Variants in SLC14A2 observed in about 807,000 individuals in gnomAD.
SLC14A2 encodes urea transporter 2.
In SLC14A2, 91 loss-of-function variants were observed where a neutral mutation model predicts 104.6. The observed-to-expected ratio is 0.87, with a 90% CI of 0.73 to 1.04. The LOEUF is 1.04. Ranked by LOEUF, SLC14A2 falls within the 50% of genes least tolerant of loss-of-function variation. SLC14A2 has a pLI of 0.00. For synonymous variants in SLC14A2, 476 were observed against 466.4 expected, an observed-to-expected ratio of 1.02 and a Z score of -0.27; for missense variants, 1,189 against 1,156.0, an observed-to-expected ratio of 1.03 and a Z score of -0.41.
In SLC14A2 at chr18:45,682,589, G is replaced by C. The variant is rs2046327654; in HGVS notation, c.*70G>C. 7.7e-7 allele frequency: 1 copy of C among 1,293,268 alleles called. No individual in the cohort carries two copies. Among genetic ancestry groups the C allele is most frequent in the South Asian group, 1.2e-5 (1 of 83,654 alleles). 80.1% of individuals were successfully genotyped at this position (1,293,268 alleles called of 1,614,324 possible). On this transcript the variant is annotated 3_prime_UTR_variant, in exon 20 of 20. Coordinates refer to ENST00000255226, the MANE Select transcript of SLC14A2 (RefSeq NM_007163.4). ...CGCCGTCCAGATCCCCAGGATAAGA[G>C]ACCACTTAGCCTTCCCTTTGGTCTG...
intron 1 of SLC14A2, among the ~76,000 whole-genome samples, chr18:45,307,529 T>C (rs1443958035): frequency 1.3e-5 from 2 of 150,914 alleles, no homozygotes; most frequent in African/African-American, 4.9e-5. Context: ...TGCTGTGGAG[T>C]GGAGAACATA....
intron 1 of SLC14A2, among the ~76,000 whole-genome samples, chr18:45,476,762 T>C (rs2087388898): frequency 6.6e-6 from 1 of 152,228 alleles, no homozygotes; most frequent in East Asian, 1.9e-4. Flanking sequence ...TTTCTTCCAC[T>C]TGATCGATTC....
chr18:45,211,317 T>G (rs557815545), upstream of SLC14A2, among the ~76,000 whole-genome samples: 1 of 152,316 alleles, frequency 6.6e-6, no homozygotes, highest in African/African-American at 2.4e-5. Context: ...GGGGGCTCAG[T>G]TCTTAGCACA....
intron 2 of SLC14A2, chr18:45,549,954 C>T (rs146950646): frequency 2.0e-5 from 3 of 151,278 alleles, no homozygotes; most frequent in African/African-American, 7.3e-5. Context: ...TCCTAGTTTC[C>T]AAATGTTTTT....
At chr18:45,515,263 A>G (rs1021899744) in intron 2 of SLC14A2, among the ~76,000 whole-genome samples, 3 of 152,250 alleles carry the variant, frequency 2.0e-5, no homozygotes, top group African/African-American at 7.2e-5. Flanking sequence ...CTGCTTTGTC[A>G]TATTGACTGT....
At chr18:45,428,492 A>T (rs968342055) in intron 1 of SLC14A2, among the ~76,000 whole-genome samples, 3 of 152,152 alleles carry the variant, frequency 2.0e-5, no homozygotes, top group African/African-American at 7.2e-5. Context: ...CATGAACATA[A>T]AGCAGACAGC....
At chr18:45,247,701 C>CA (rs1327748944) in intron 1 of SLC14A2, among the ~76,000 whole-genome samples, 1 of 138,330 alleles carries the variant, frequency 7.2e-6, no homozygotes, top group African/African-American at 2.7e-5. Flanking sequence ...TAATGTAGGC[C>CA]TTTTTTTTTT....
intron 1 of SLC14A2, among the ~76,000 whole-genome samples, chr18:45,307,918 C>T (rs1427689609): frequency 6.6e-6 from 1 of 152,102 alleles, no homozygotes; most frequent in South Asian, 2.1e-4. Flanking sequence ...AACATGGTGC[C>T]GACATCTGCT....
intron 1 of SLC14A2, among the ~76,000 whole-genome samples, chr18:45,247,694 T>A (rs531075681): frequency 6.7e-6 from 1 of 149,266 alleles, no homozygotes; most frequent in East Asian, 2.0e-4. Context: ...ATTCTGTTAA[T>A]GTAGGCCTTT....
At chr18:45,378,663 G>A (rs1262098527) in intron 1 of SLC14A2, among the ~76,000 whole-genome samples, 1 of 152,206 alleles carries the variant, frequency 6.6e-6, no homozygotes, top group African/African-American at 2.4e-5. Flanking sequence ...AGGTTTTGGT[G>A]GAACTCTATG....
intron 1 of SLC14A2, among the ~76,000 whole-genome samples, chr18:45,339,082 G>A (rs556594440): frequency 5.9e-5 from 9 of 151,912 alleles, no homozygotes; most frequent in African/African-American, 1.9e-4. Context: ...GATTACAGGT[G>A]TGTGCCACCA....
At chr18:45,654,767 C>T (rs761386394) in intron 10 of SLC14A2, among the ~76,000 whole-genome samples, 2 of 152,134 alleles carry the variant, frequency 1.3e-5, no homozygotes, top group Non-Finnish European at 2.9e-5. Flanking sequence ...ACTTCCTGCT[C>T]ACCTGCTGAT....
At chr18:45,270,225 G>T (rs2084637756) in intron 1 of SLC14A2, among the ~76,000 whole-genome samples, 1 of 152,050 alleles carries the variant, frequency 6.6e-6, no homozygotes, top group Non-Finnish European at 1.5e-5. Context: ...ACTCTGTGTG[G>T]GTTTCCTTTC....
rs115234127 is a variant in SLC14A2, at chr18:45,470,690, A to G, written c.-124-12543A>G. Reference sequence around the variant, plus strand: ...AGCTATTGACTGTCAGCTCTGCAAGATAATGACATGTGTATAGTTCCTCTT... The same window carrying G: ...AGCTATTGACTGTCAGCTCTGCAAGGTAATGACATGTGTATAGTTCCTCTT... On this transcript the variant is annotated intron_variant, in intron 1 of 20. Coordinates refer to the SLC14A2 transcript ENST00000586448. Among the ~76,000 whole-genome samples the G allele has an allele frequency of 1.6e-3, 249 of 152,308 alleles. 2 individuals are homozygous for G. Among genetic ancestry groups the G allele is most frequent in the African/African-American group, 5.8e-3 (240 of 41,578 alleles).
chr18:45,667,070 A>G lies in SLC14A2; in HGVS notation c.1693A>G (p.Lys565Glu). The change falls in exon 13 of 20, where the codon AAG becomes GAG. Residue 565 changes from lysine (K) to glutamate (E), a missense_variant. Transcript: ENST00000255226. Reference protein sequence around the residue: ...KALSYITGEMKECGEGLKDKS... With the variant: ...KALSYITGEMEECGEGLKDKS... ...CCTCAGCTACATCACAGGAGAGATG[A>G]AGGAGTGTGGAGAGGGACTTAAAGG... 6.2e-7 allele frequency: 1 copy of G among 1,613,744 alleles called. No homozygotes were observed. The highest frequency in any genetic ancestry group is 1.7e-5 in the Admixed American group (1 of 60,010).
rs142975493 is a variant in SLC14A2 at position 45,633,438 on chromosome 18, A to G, written c.650+960A>G. 1.8e-3 allele frequency among the ~76,000 whole-genome samples: 274 copies of G among 152,354 alleles called. 2 individuals carry two copies. Among genetic ancestry groups the G allele is most frequent in the Admixed American group, 3.5e-3 (53 of 15,308 alleles). On this transcript the variant is annotated intron_variant, in intron 5 of 19. Transcript: ENST00000255226. ...GCAATCACCTCATATTCTAGATGAA[A>G]TAAGAAGGTCACCATGAAAGGGAGT...
chr18:45,440,392 A>G (rs569254326), intron 1 of SLC14A2: 1 of 152,248 alleles, frequency 6.6e-6, no homozygotes, highest in East Asian at 1.9e-4. Flanking sequence ...GACCATAGAG[A>G]TGAGAAGTTG....
chr18:45,434,481 G>A (rs1343606186), intron 1 of SLC14A2, among the ~76,000 whole-genome samples: 1 of 152,130 alleles, frequency 6.6e-6, no homozygotes, highest in Non-Finnish European at 1.5e-5. Context: ...TGTTGTTGTT[G>A]TTGTTGTTTG....
At chr18:45,206,052 T>C in the SLC14A2 span, among the ~76,000 whole-genome samples, 1 of 152,204 alleles carries the variant, frequency 6.6e-6, no homozygotes, top group Non-Finnish European at 1.5e-5. Flanking sequence ...GGATAGGCCA[T>C]GAAAATAGAG....
Sources: gnomAD v4.1 joint callset for allele counts (sites outside exome capture counted in the v4.1 genomes callset) on GRCh38, gnomAD v4.1.1 for gene constraint, MANE v1.5 for transcripts, NCBI Gene and HGNC (gene_info 2026-07-23, HGNC 2026-07-21) for gene names.